Variants in STPG2 observed in about 807,000 individuals in gnomAD.
The protein encoded by STPG2 is sperm-tail PG-rich repeat-containing protein 2.
STPG2 carries 56 observed loss-of-function variants against 54.2 expected under a neutral mutation model. The ratio of observed to expected loss-of-function variants is 1.03; its 90% CI spans 0.83 to 1.29. The LOEUF (loss-of-function observed/expected upper bound fraction) is 1.29. Among genes scored for constraint, STPG2 ranks in the 50% most tolerant of loss-of-function variants. The pLI is 0.00. For missense variants in STPG2, 596 were observed against 544.9 expected (o/e 1.09, Z -0.93); for synonymous variants, 200 against 181.8 (o/e 1.10, Z -0.81).
rs574161011 is a variant in STPG2, at chr4:97,868,049, T to A, written c.1045-27117A>T. On this transcript the variant is annotated intron_variant, in intron 8 of 10. Transcript: ENST00000295268. ...TGAAGTATCTGCCACACATATTCATTGAACTTTTTTAAAAACATTATTACT... is the reference window on the plus strand; with the variant it reads ...TGAAGTATCTGCCACACATATTCATAGAACTTTTTTAAAAACATTATTACT... Among the ~76,000 whole-genome samples, 4 of 152,106 alleles carry A rather than the reference T, an allele frequency of 2.6e-5. No homozygotes were observed. The Admixed American group carries it at 2.6e-4, about 10-fold the overall frequency.
intron 10 of STPG2, among the ~76,000 whole-genome samples, chr4:97,698,302 A>G (rs1387407640): frequency 6.6e-6 from 1 of 152,102 alleles, no homozygotes; most frequent in Non-Finnish European, 1.5e-5. Flanking sequence ...GAGACGCCCT[A>G]ATGGATCTCC....
chr4:97,787,098 T>C (rs1726850951), intron 9 of STPG2, among the ~76,000 whole-genome samples: 1 of 152,096 alleles, frequency 6.6e-6, no homozygotes, highest in South Asian at 2.1e-4. Context: ...ACTAATTAGT[T>C]CTAGCAGCTT....
chr4:97,848,608 T>A lies in STPG2; in HGVS notation c.1045-7676A>T, dbSNP rs182113983. On this transcript the variant is annotated intron_variant, in intron 8 of 10. Coordinates refer to ENST00000295268, the MANE Select transcript of STPG2 (RefSeq NM_174952.3). ...ATATTGACTGTAGCTCCTGTCATAA[T>A]GTTTTTATTTCAAAAATAAAGAAGA... Among the ~76,000 whole-genome samples the A allele has an allele frequency of 4.1e-4, 63 of 152,290 alleles. 1 individual carries two copies. In the East Asian group the frequency reaches 0.012, roughly 28 times the overall value.
At position 97,547,621 on chromosome 4, in the gene STPG2, A is replaced by C. The variant is rs995881877; in HGVS notation, c.462+165078T>G. Among the ~76,000 whole-genome samples the C allele has an allele frequency of 2.0e-5, 3 of 152,152 alleles. No individual in the cohort carries two copies. In the East Asian group the frequency reaches 5.8e-4, roughly 29 times the overall value. On this transcript the variant is annotated intron_variant, in intron 4 of 4. Transcript: ENST00000522676. Reference sequence around the variant, plus strand: ...AGGTGGGTGATGCGGAGAAAGACTGAAGGCTGCTGGGAGTTTATAAAGATC... The same window carrying C: ...AGGTGGGTGATGCGGAGAAAGACTGCAGGCTGCTGGGAGTTTATAAAGATC...
At chr4:98,021,980 G>C (rs1308909797) in intron 5 of STPG2, among the ~76,000 whole-genome samples, 4 of 151,636 alleles carry the variant, frequency 2.6e-5, no homozygotes, top group African/African-American at 9.7e-5. Flanking sequence ...CAATTTGCCA[G>C]TCTGTGTCTT....
chr4:97,773,481 G>GT (rs1325998022), intron 9 of STPG2, among the ~76,000 whole-genome samples: 4 of 152,060 alleles, frequency 2.6e-5, no homozygotes, highest in South Asian at 2.1e-4. Context: ...CTGGCTAAAT[G>GT]TTTTTTCTTT....
At chr4:97,826,957 C>G (rs942598812) in intron 9 of STPG2, among the ~76,000 whole-genome samples, 3 of 152,020 alleles carry the variant, frequency 2.0e-5, no homozygotes, top group African/African-American at 7.2e-5. Flanking sequence ...TGTTTTGGTC[C>G]CCTTCAAAAG....
intron 8 of STPG2, among the ~76,000 whole-genome samples, chr4:97,914,903 G>A (rs1242516037): frequency 6.6e-6 from 1 of 152,110 alleles, no homozygotes; most frequent in Non-Finnish European, 1.5e-5. Flanking sequence ...CATATAAGTG[G>A]AATCATATAG....
intron 10 of STPG2, among the ~76,000 whole-genome samples, chr4:97,593,699 G>A (rs941069486): frequency 2.0e-5 from 3 of 152,150 alleles, no homozygotes; most frequent in African/African-American, 7.2e-5. Flanking sequence ...AACGCATGAA[G>A]GAGCATGGAT....
intron 10 of STPG2, among the ~76,000 whole-genome samples, chr4:97,599,833 A>AAAAAAAAAAG (rs542582284): frequency 3.4e-5 from 5 of 147,238 alleles, no homozygotes; most frequent in African/African-American, 1.3e-4. Flanking sequence ...CAAAAAAAAA[A>AAAAAAAAAAG]AAAAGAAAAG....
At chr4:97,903,537 C>A (rs1309914383) in intron 8 of STPG2, among the ~76,000 whole-genome samples, 1 of 151,674 alleles carries the variant, frequency 6.6e-6, no homozygotes, top group African/African-American at 2.4e-5. Context: ...AATAAAGCCA[C>A]AAGACGGCTA....
At chr4:97,485,341 G>A (rs774276669) in intron 4 of STPG2, among the ~76,000 whole-genome samples, 4 of 151,766 alleles carry the variant, frequency 2.6e-5, no homozygotes, top group African/African-American at 7.2e-5. Flanking sequence ...CCTAGAACTC[G>A]TATAAGAATT....
rs552804246 is a variant in STPG2 at position 97,880,214 on chromosome 4, T to C, written c.1045-39282A>G. ...AAGCCAGAAACAGAAAGACAAATAATGTATGATCTCACTTACATGTGAAAT... is the reference window on the plus strand; with the variant it reads ...AAGCCAGAAACAGAAAGACAAATAACGTATGATCTCACTTACATGTGAAAT... On this transcript the variant is annotated intron_variant, in intron 8 of 10. Transcript: ENST00000295268. 3.3e-5 allele frequency among the ~76,000 whole-genome samples: 5 copies of C among 152,280 alleles called. No homozygotes were observed. In the East Asian group the frequency reaches 5.8e-4, roughly 18 times the overall value.
intron 4 of STPG2, among the ~76,000 whole-genome samples, chr4:97,541,454 C>A (rs1731703579): frequency 6.6e-6 from 1 of 152,108 alleles, no homozygotes; most frequent in Non-Finnish European, 1.5e-5. Context: ...CAAACCACTG[C>A]TCAACAAAAT....
At chr4:97,594,389 G>A (rs1017240250) in intron 10 of STPG2, among the ~76,000 whole-genome samples, 3 of 152,162 alleles carry the variant, frequency 2.0e-5, no homozygotes, top group African/African-American at 7.2e-5. Flanking sequence ...CAGCAAAGCT[G>A]AGGAAAGAAT....
chr4:97,616,075 T>C (rs530378641), intron 10 of STPG2, among the ~76,000 whole-genome samples: 1,255 of 79,794 alleles, frequency 0.016, 72 homozygotes, highest in African/African-American at 0.044. Context: ...TATATATATA[T>C]ATATATATAT....
chr4:97,554,675 C>T (rs541914381), downstream of STPG2, among the ~76,000 whole-genome samples: 3 of 152,210 alleles, frequency 2.0e-5, no homozygotes, highest in Non-Finnish European at 4.4e-5. Flanking sequence ...TTCTAAACTT[C>T]AGGAATGGAA....
intron 8 of STPG2, among the ~76,000 whole-genome samples, chr4:97,917,906 A>C (rs749329705): frequency 2.0e-5 from 3 of 152,166 alleles, no homozygotes; most frequent in African/African-American, 2.4e-5. Context: ...CACTACTCAT[A>C]GGAAAAAAAA....
chr4:97,869,262 C>T (rs994780395), intron 8 of STPG2, among the ~76,000 whole-genome samples: 5 of 151,476 alleles, frequency 3.3e-5, no homozygotes, highest in Non-Finnish European at 5.9e-5. Context: ...AATTTTAAAA[C>T]TAAAATTAGC....
Sources: allele counts gnomAD v4.1 joint callset (sites outside exome capture counted in the v4.1 genomes callset), GRCh38; gene constraint gnomAD v4.1.1; transcripts MANE v1.5; gene names NCBI Gene and HGNC (gene_info 2026-07-23, HGNC 2026-07-21).